SNRPN: variants seen among roughly 807,000 people sequenced by gnomAD.
The protein encoded by SNRPN is small nuclear ribonucleoprotein polypeptide N, also known as small nuclear ribonucleoprotein-associated protein N.
SNRPN carries 7 observed loss-of-function variants against 25.2 expected under a neutral mutation model. That is an observed-to-expected ratio of 0.28 (90% CI 0.16 to 0.52). SNRPN has a LOEUF of 0.52. Ranked by LOEUF, SNRPN falls within the 20% of genes least tolerant of loss-of-function variation. The pLI, the probability that SNRPN is intolerant of heterozygous loss-of-function variation, is 0.96. For synonymous variants in SNRPN, 124 were observed against 110.6 expected (o/e 1.12, Z -0.76); for missense variants, 196 against 322.5 (o/e 0.61, Z 3.00).
intron 2 of SNRPN, chr15:24,909,572 G>T: frequency 7.4e-7 from 1 of 1,359,590 alleles, no homozygotes; most frequent in Non-Finnish European, 1.0e-6. Context: ...ACCATATTTT[G>T]GCAGTTCGTG....
chr15:24,916,348 G>C (rs1566906365), intron 2 of SNRPN, among the ~76,000 whole-genome samples: 2 of 152,090 alleles, frequency 1.3e-5, no homozygotes, highest in Non-Finnish European at 1.5e-5. Context: ...GGGGGAGAGA[G>C]AGACAAAGAC....
At chr15:24,952,849 C>G (rs945006923), upstream of SNRPN, among the ~76,000 whole-genome samples, 10 of 151,490 alleles carry the variant, frequency 6.6e-5, no homozygotes, top group Non-Finnish European at 1.2e-4. Context: ...CCAAGAGAAA[C>G]CTAAAGAAAC....
chr15:24,885,146 A>G (rs1282924004), intron 1 of SNRPN, among the ~76,000 whole-genome samples: 3 of 152,180 alleles, frequency 2.0e-5, no homozygotes, highest in Non-Finnish European at 4.4e-5. Context: ...GTAACTTGAA[A>G]GCATATATTG....
At chr15:24,834,952 A>G (rs1384905308) in intron 2 of SNRPN, among the ~76,000 whole-genome samples, 1 of 55,542 alleles carries the variant, frequency 1.8e-5, no homozygotes, top group Non-Finnish European at 3.5e-5. Flanking sequence ...CATATAATAT[A>G]TATAGTATAT....
chr15:24,906,922 G>A (rs1450686523), intron 2 of SNRPN, among the ~76,000 whole-genome samples: 1 of 152,064 alleles, frequency 6.6e-6, no homozygotes, highest in Non-Finnish European at 1.5e-5. Flanking sequence ...TAAAGTTCAA[G>A]TGATTGTGGG....
chr15:24,909,442 G>T (rs962146130), intron 2 of SNRPN: 2 of 1,589,036 alleles, frequency 1.3e-6, no homozygotes, highest in South Asian at 2.2e-5. Flanking sequence ...TGTATTCATC[G>T]CCAGTCACCT....
chr15:24,956,380 A>G (rs1394315168), intron 1 of SNRPN, among the ~76,000 whole-genome samples: 2 of 143,274 alleles, frequency 1.4e-5, no homozygotes, highest in African/African-American at 5.2e-5. Context: ...TCCTCCCTGT[A>G]GAGCCGCCAG....
chr15:24,923,027 C>T (rs139013711), intron 3 of SNRPN, among the ~76,000 whole-genome samples: 1 of 150,708 alleles, frequency 6.6e-6, no homozygotes, highest in South Asian at 2.1e-4. Flanking sequence ...TGCCTCAGAC[C>T]CCCATGTAAC....
At position 24,842,890 on chromosome 15, in the gene SNRPN, T is replaced by G. The variant is rs960430458; in HGVS notation, c.-579+12985T>G. 2.0e-5 allele frequency among the ~76,000 whole-genome samples: 3 copies of G among 152,362 alleles called. No homozygotes were observed. The South Asian group carries it at 6.2e-4, about 32-fold the overall frequency. On this transcript the variant is annotated intron_variant, in intron 2 of 12. Coordinates refer to the SNRPN transcript ENST00000400100. ...GTAGTCTTCCCACCATATTTAGTTTTGGAAATTATTGATATCTATCTCCAT... is the reference window on the plus strand; with the variant it reads ...GTAGTCTTCCCACCATATTTAGTTTGGGAAATTATTGATATCTATCTCCAT...
At chr15:24,949,248 C>T (rs11161161) in intron 3 of SNRPN, among the ~76,000 whole-genome samples, 46,695 of 151,656 alleles carry the variant, frequency 0.31, 7,750 homozygotes, top group East Asian at 0.5. Flanking sequence ...TCTTGAACTC[C>T]TGACCTTAGG....
rs959084777 is a variant in SNRPN at position 24,929,044 on chromosome 15, G to A, written c.-391+8920G>A. ...ATCCTGATTTCTATTGTGGAGAAGC[G>A]TACTTAGAAACCAAGGTCTTGGTGC... On this transcript the variant is annotated intron_variant, in intron 3 of 11. Coordinates refer to the SNRPN transcript ENST00000400097. This position sits in a 1 kb window ranked among gnomAD's most constrained non-coding sequence, Gnocchi z 5.3. Among the ~76,000 whole-genome samples the A allele has an allele frequency of 1.8e-4, 27 of 152,064 alleles. No homozygotes were observed. Among genetic ancestry groups the A allele is most frequent in the East Asian group, 1.9e-4 (1 of 5,196 alleles).
intron 2 of SNRPN, among the ~76,000 whole-genome samples, chr15:24,898,391 C>T (rs971731974): frequency 1.3e-5 from 2 of 152,022 alleles, no homozygotes; most frequent in Admixed American, 1.3e-4. Context: ...AGATCGAGAC[C>T]ATCCTGGCCA....
chr15:24,908,680 C>T (rs892153637), intron 2 of SNRPN, among the ~76,000 whole-genome samples: 2 of 132,286 alleles, frequency 1.5e-5, no homozygotes, highest in Non-Finnish European at 3.1e-5. Flanking sequence ...CTCACCATAC[C>T]AACTCAAAGT....
chr15:24,956,627 C>T (rs1250189617), intron 1 of SNRPN, among the ~76,000 whole-genome samples: 2 of 152,198 alleles, frequency 1.3e-5, no homozygotes, highest in African/African-American at 4.8e-5. Flanking sequence ...CAGCTTTTGC[C>T]TGGAAGGAAT....
chr15:24,889,644 T>C (rs562248721), intron 2 of SNRPN, among the ~76,000 whole-genome samples: 1 of 151,994 alleles, frequency 6.6e-6, no homozygotes, highest in South Asian at 2.1e-4. Flanking sequence ...AGGGATGGGA[T>C]TGTGGATCAA....
chr15:24,977,088 A>T (rs1315143213), intron 7 of SNRPN, 59 bp downstream of exon 7: 3 of 1,412,650 alleles, frequency 2.1e-6, no homozygotes, highest in Non-Finnish European at 2.8e-6. Flanking sequence ...CCGGAGGCCG[A>T]GGAGATTTAA....
intron 3 of SNRPN, among the ~76,000 whole-genome samples, chr15:24,972,745 A>G (rs969029453): frequency 6.6e-6 from 1 of 152,122 alleles, no homozygotes; most frequent in African/African-American, 2.4e-5. Context: ...CATTTTATAA[A>G]TAATGGAGAA....
At chr15:24,826,012 G>T (rs951629582) in intron 1 of SNRPN, among the ~76,000 whole-genome samples, 5 of 151,986 alleles carry the variant, frequency 3.3e-5, no homozygotes, top group African/African-American at 1.2e-4. Context: ...TCTCTGTTGG[G>T]CTACCTTTAT....
intron 2 of SNRPN, among the ~76,000 whole-genome samples, chr15:24,901,869 C>T (rs564901460): frequency 3.9e-5 from 6 of 152,130 alleles, no homozygotes; most frequent in South Asian, 4.2e-4. Context: ...AGGGACATGG[C>T]GCACCAATTA....
Sources: allele counts gnomAD v4.1 joint callset (sites outside exome capture counted in the v4.1 genomes callset), GRCh38; gene constraint gnomAD v4.1.1; non-coding constraint Gnocchi (gnomAD v3.1); transcripts MANE v1.5; gene names NCBI Gene and HGNC (gene_info 2026-07-23, HGNC 2026-07-21).